Variants in AFF2 observed in about 807,000 individuals in gnomAD.
AFF2 encodes the protein ALF transcription elongation factor 2.
In AFF2, 14 loss-of-function variants were observed where a neutral mutation model predicts 76.9. That is an observed-to-expected ratio of 0.18 (90% CI 0.12 to 0.28). The LOEUF is 0.28. AFF2 is among the 10% of genes least tolerant of loss of function. The pLI, the probability that AFF2 is intolerant of heterozygous loss-of-function variation, is 1.00. For missense variants in AFF2, 868 were observed against 1,001.1 expected (o/e 0.87, Z 1.79); for synonymous variants, 398 against 366.7 (o/e 1.09, Z -0.98).
chrX:148,623,830 G>A (rs781899270), intron 1 of AFF2, among the ~76,000 whole-genome samples: 18 of 110,695 alleles, frequency 1.6e-4, no homozygotes, highest in Non-Finnish European at 3.4e-4. Context: ...AGTCCCAAGT[G>A]TGAGCCTCTC....
chrX:148,657,235 A>T (rs782108777), intron 2 of AFF2, among the ~76,000 whole-genome samples: 6 of 111,765 alleles, frequency 5.4e-5, no homozygotes, highest in Non-Finnish European at 9.4e-5. Flanking sequence ...AACCTGGGAA[A>T]CCTTGCTTTG....
chrX:148,831,408 A>G (rs1258218054), intron 4 of AFF2, among the ~76,000 whole-genome samples: 8 of 112,501 alleles, frequency 7.1e-5, no homozygotes, highest in Non-Finnish European at 3.8e-5. Flanking sequence ...ATAAGAAATT[A>G]TAAAAGTATT....
chrX:148,667,888 T>C (rs1009329524), intron 3 of AFF2, among the ~76,000 whole-genome samples: 1 of 111,749 alleles, frequency 8.9e-6, no homozygotes, highest in African/African-American at 3.3e-5. Flanking sequence ...AATCATGCCT[T>C]CCCAACAGTA....
intron 1 of AFF2, among the ~76,000 whole-genome samples, chrX:148,647,468 C>G (rs529668091): frequency 1.8e-5 from 2 of 111,779 alleles, no homozygotes; most frequent in African/African-American, 6.5e-5. Context: ...CTCGCCCAGC[C>G]TCTTCCCCAC....
intron 1 of AFF2, among the ~76,000 whole-genome samples, chrX:148,560,993 G>T (rs2053106462): frequency 9.0e-6 from 1 of 111,416 alleles, no homozygotes; most frequent in Admixed American, 9.5e-5. Flanking sequence ...TATGGTTTCT[G>T]CCATGGTAGA....
intron 1 of AFF2, among the ~76,000 whole-genome samples, chrX:148,579,420 G>C (rs1247907543): frequency 9.0e-6 from 1 of 111,392 alleles, no homozygotes; most frequent in African/African-American, 3.3e-5. Context: ...TTCAATGCAA[G>C]GCCAAACACA....
intron 3 of AFF2, among the ~76,000 whole-genome samples, chrX:148,806,940 C>T (rs782524713): frequency 5.3e-5 from 6 of 112,361 alleles, no homozygotes; most frequent in East Asian, 5.6e-4. Context: ...GGTTGTCTTA[C>T]GGAGAAAACA....
intron 3 of AFF2, among the ~76,000 whole-genome samples, chrX:148,775,538 G>T (rs2069656153): frequency 8.9e-6 from 1 of 111,982 alleles, no homozygotes; most frequent in Non-Finnish European, 1.9e-5. Context: ...TAAAATAACA[G>T]AAATTTGTCA....
At chrX:148,874,711 A>G (rs781858939) in intron 7 of AFF2, among the ~76,000 whole-genome samples, 1 of 111,970 alleles carries the variant, frequency 8.9e-6, no homozygotes, top group African/African-American at 3.2e-5. Context: ...ATTTGTTGAC[A>G]GTGGCCCTCC....
At chrX:148,673,991 G>A (rs1200256171) in intron 3 of AFF2, among the ~76,000 whole-genome samples, 1 of 112,185 alleles carries the variant, frequency 8.9e-6, no homozygotes, top group Non-Finnish European at 1.9e-5. Flanking sequence ...TTTTTTGTGA[G>A]CTAGAGCTAG....
intron 8 of AFF2, among the ~76,000 whole-genome samples, chrX:148,891,571 C>T (rs2071223931): frequency 8.9e-6 from 1 of 111,762 alleles, no homozygotes; most frequent in African/African-American, 3.3e-5. Context: ...GAATGTGTGG[C>T]GGGCAAACTC....
In AFF2 at chrX:148,829,823, C is replaced by A. The variant is rs185130777; in HGVS notation, c.1087-7824C>A. Among the ~76,000 whole-genome samples the A allele has an allele frequency of 1.3e-4, 14 of 111,789 alleles. No individual in the cohort carries two copies. The Admixed American group carries it at 1.3e-3, about 11-fold the overall frequency. On this transcript the variant is annotated intron_variant, in intron 4 of 20. Transcript: ENST00000370460. ...AGACAGTAGGCTCCATGATTGGAAA[C>A]CTCAAATGATTGGAAATTCTTTAGT...
chrX:148,974,598 C>A (rs1557289981), intron 16 of AFF2, among the ~76,000 whole-genome samples: 1 of 111,849 alleles, frequency 8.9e-6, no homozygotes, highest in African/African-American at 3.3e-5. Flanking sequence ...CATATTTTCC[C>A]AGTGACACAT....
At chrX:148,534,266 C>T (rs1000572980) in intron 1 of AFF2, among the ~76,000 whole-genome samples, 2 of 112,236 alleles carry the variant, frequency 1.8e-5, no homozygotes, top group African/African-American at 6.5e-5. Flanking sequence ...TCTGAAGACC[C>T]CTGCCTAGGA....
At chrX:148,666,013 A>T (rs2054355374) in intron 3 of AFF2, among the ~76,000 whole-genome samples, 1 of 112,143 alleles carries the variant, frequency 8.9e-6, no homozygotes, top group African/African-American at 3.3e-5. Context: ...AACAGACAAC[A>T]TTCTAAGCTA....
At chrX:148,967,385 A>G (rs2072193652) in intron 14 of AFF2, among the ~76,000 whole-genome samples, 1 of 111,983 alleles carries the variant, frequency 8.9e-6, no homozygotes, top group Admixed American at 9.5e-5. Flanking sequence ...TGTTTGATCT[A>G]TTTGGACAAC....
At chrX:148,654,791 A>G (rs946773229) in intron 2 of AFF2, among the ~76,000 whole-genome samples, 1 of 108,762 alleles carries the variant, frequency 9.2e-6, no homozygotes, top group South Asian at 4.1e-4. Flanking sequence ...TCTGCAGAAA[A>G]TGGAGGAGAG....
At chrX:148,781,842 G>T (rs1312515531) in intron 3 of AFF2, among the ~76,000 whole-genome samples, 1 of 111,768 alleles carries the variant, frequency 8.9e-6, no homozygotes, top group Non-Finnish European at 1.9e-5. Flanking sequence ...GGCACCCGAG[G>T]GAATCTCCTG....
chrX:148,581,489 C>T (rs2053402036), intron 1 of AFF2, among the ~76,000 whole-genome samples: 1 of 97,960 alleles, frequency 1.0e-5, no homozygotes, highest in African/African-American at 3.8e-5. Context: ...TATACGTCTA[C>T]GTGTACACAC....
Sources: allele counts gnomAD v4.1 joint callset (sites outside exome capture counted in the v4.1 genomes callset), GRCh38; gene constraint gnomAD v4.1.1; transcripts MANE v1.5; gene names NCBI Gene and HGNC (gene_info 2026-07-23, HGNC 2026-07-21).